NTRK3: variants seen among roughly 807,000 people sequenced by gnomAD.
The protein encoded by NTRK3 is neurotrophic receptor tyrosine kinase 3.
NTRK3 carries 24 observed loss-of-function variants against 91.7 expected under a neutral mutation model. That is an observed-to-expected ratio of 0.26 (90% CI 0.19 to 0.37). NTRK3 has a LOEUF of 0.37. NTRK3 is among the 10% of genes least tolerant of loss of function. The pLI is 1.00. For missense variants in NTRK3, 880 were observed against 1,068.9 expected (o/e 0.82, Z 2.46); for synonymous variants, 483 against 404.0 (o/e 1.20, Z -2.34).
intron 3 of NTRK3, among the ~76,000 whole-genome samples, chr15:88,191,914 C>A (rs1394980744): frequency 6.6e-6 from 1 of 152,216 alleles, no homozygotes; most frequent in Non-Finnish European, 1.5e-5. Flanking sequence ...GGGAGCCAGA[C>A]CTGAGAGCCC....
chr15:88,197,092 G>GAAAA (rs2047888285), intron 3 of NTRK3, among the ~76,000 whole-genome samples: 1 of 15,570 alleles, frequency 6.4e-5, no homozygotes, highest in Non-Finnish European at 1.9e-4. Context: ...GGTTGAGCAG[G>GAAAA]ACAAAAAAAA....
intron 3 of NTRK3, among the ~76,000 whole-genome samples, chr15:88,200,564 A>G (rs897512836): frequency 3.3e-5 from 5 of 152,206 alleles, no homozygotes; most frequent in African/African-American, 1.2e-4. Context: ...AGTTCTCACA[A>G]GATCTGATGG....
intron 3 of NTRK3, among the ~76,000 whole-genome samples, chr15:88,239,791 C>A (rs2052146324): frequency 6.6e-6 from 1 of 152,072 alleles, no homozygotes; most frequent in African/African-American, 2.4e-5. Context: ...AAATGTTATG[C>A]AGAATACCAC....
intron 13 of NTRK3, among the ~76,000 whole-genome samples, chr15:88,044,510 CT>C (rs1223634709): frequency 6.6e-6 from 1 of 151,932 alleles, no homozygotes; most frequent in Admixed American, 6.6e-5. Context: ...ATCTGCCCGC[CT>C]TGGCCTTCCA....
chr15:87,876,411 C>T, exon 19 of NTRK3: 1 of 228,758 alleles, frequency 4.4e-6, no homozygotes, highest in Non-Finnish European at 8.7e-6. Context: ...CCACATGTGC[C>T]TGTGGTGAGC....
chr15:87,876,901 C>A (rs2141433981), exon 19 of NTRK3: 1 of 1,611,244 alleles, frequency 6.2e-7, no homozygotes, highest in Non-Finnish European at 8.5e-7. Context: ...AGAGAGGAGG[C>A]AACAGAGTAT....
intron 3 of NTRK3, among the ~76,000 whole-genome samples, chr15:88,209,789 C>T (rs976955278): frequency 6.6e-6 from 1 of 152,228 alleles, no homozygotes; most frequent in African/African-American, 2.4e-5. Flanking sequence ...TCAAACAGTG[C>T]CTTCCATTGG....
At chr15:88,173,802 G>A (rs1055306140) in intron 5 of NTRK3, among the ~76,000 whole-genome samples, 2 of 152,258 alleles carry the variant, frequency 1.3e-5, no homozygotes, top group Admixed American at 1.3e-4. Flanking sequence ...AGAGATGGTA[G>A]AGTGGAGGCT....
chr15:88,227,794 G>T (rs1368296309), intron 3 of NTRK3, among the ~76,000 whole-genome samples: 3 of 151,888 alleles, frequency 2.0e-5, no homozygotes, highest in African/African-American at 4.8e-5. Context: ...GGCCACTGAG[G>T]TCGCTGACCA....
chr15:87,930,176 T>C (rs1462234996), intron 16 of NTRK3, among the ~76,000 whole-genome samples: 1 of 152,152 alleles, frequency 6.6e-6, no homozygotes, highest in Non-Finnish European at 1.5e-5. Flanking sequence ...CAGTGCACAG[T>C]GGAGAGAGCC....
intron 14 of NTRK3, among the ~76,000 whole-genome samples, chr15:87,953,032 C>A (rs1433002309): frequency 6.6e-6 from 1 of 152,176 alleles, no homozygotes; most frequent in Non-Finnish European, 1.5e-5. Context: ...TCCATGCTTC[C>A]CCCTGTCGAA....
At chr15:88,012,962 C>A (rs567826055) in intron 14 of NTRK3, among the ~76,000 whole-genome samples, 1 of 152,336 alleles carries the variant, frequency 6.6e-6, no homozygotes, top group South Asian at 2.1e-4. Context: ...TTGGATAACC[C>A]CTGACTTCGA....
chr15:88,135,293 T>G (rs1446025848), exon 10 of NTRK3: 7 of 1,614,072 alleles, frequency 4.3e-6, no homozygotes, highest in Non-Finnish European at 5.9e-6. Flanking sequence ...GGCTGCCCAT[T>G]GTGCAGCCAG....
intron 14 of NTRK3, among the ~76,000 whole-genome samples, chr15:88,019,225 T>C (rs1183370089): frequency 6.6e-6 from 1 of 152,168 alleles, no homozygotes; most frequent in Non-Finnish European, 1.5e-5. Flanking sequence ...TCATCTTCAT[T>C]CTACCCCCTG....
Position 88,225,971 on chromosome 15 carries a change from C to G in NTRK3, c.248+29935G>C, listed in dbSNP as rs544296412. On this transcript the variant is annotated intron_variant, in intron 3 of 18. Coordinates refer to ENST00000394480, the Ensembl canonical transcript of NTRK3. Reference sequence around the variant, plus strand: ...GACCCCAGACCCTGGAGAGATGGCCCTTCTAAAGGGCCGAGGTGACAAGAC... The same window carrying G: ...GACCCCAGACCCTGGAGAGATGGCCGTTCTAAAGGGCCGAGGTGACAAGAC... Among the ~76,000 whole-genome samples the G allele has an allele frequency of 2.4e-4, 36 of 152,314 alleles. No homozygotes were observed. The South Asian group carries it at 4.8e-3, about 20-fold the overall frequency.
At chr15:87,943,340 C>T (rs749663085) in intron 14 of NTRK3, among the ~76,000 whole-genome samples, 4 of 152,108 alleles carry the variant, frequency 2.6e-5, no homozygotes, top group African/African-American at 4.8e-5. Flanking sequence ...GAAGGTGAGA[C>T]GTCCTGGGCT....
chr15:88,102,748 T>C (rs940137955), intron 13 of NTRK3, among the ~76,000 whole-genome samples: 1 of 152,166 alleles, frequency 6.6e-6, no homozygotes, highest in African/African-American at 2.4e-5. Context: ...GATTCTACCA[T>C]AGCTGAATTT....
chr15:87,929,626 A>G (rs1448997199), intron 16 of NTRK3, among the ~76,000 whole-genome samples, 192 bp from the exon 17 acceptor site: 1 of 152,190 alleles, frequency 6.6e-6, no homozygotes, highest in Non-Finnish European at 1.5e-5. Context: ...AAACTCCACA[A>G]CCAGATTCTG....
chr15:88,069,755 A>G (rs574770604), intron 13 of NTRK3, among the ~76,000 whole-genome samples: 4 of 152,314 alleles, frequency 2.6e-5, no homozygotes, highest in African/African-American at 9.6e-5. Flanking sequence ...GCCTCTTCTC[A>G]TTCTCTCCTT....
Sources: allele counts gnomAD v4.1 joint callset (sites outside exome capture counted in the v4.1 genomes callset), GRCh38; gene constraint gnomAD v4.1.1; transcripts MANE v1.5; gene names NCBI Gene and HGNC (gene_info 2026-07-23, HGNC 2026-07-21).